The following FBXL17 variants were observed in gnomAD, a reference collection of about 807,000 sequenced individuals.
FBXL17 encodes F-box/LRR-repeat protein 17.
FBXL17 carries 22 observed loss-of-function variants against 66.2 expected under a neutral mutation model. The ratio of observed to expected loss-of-function variants is 0.33; its 90% CI spans 0.24 to 0.47. The LOEUF (loss-of-function observed/expected upper bound fraction) is 0.47, where lower values mean the gene tolerates loss of function less well. Among genes scored for constraint, FBXL17 ranks in the 20% least tolerant of loss-of-function variants. The probability of loss-of-function intolerance (pLI) is 1.00; values close to 1 mark genes in which losing one functional copy is unlikely to be tolerated. For missense variants in FBXL17, 878 were observed against 948.2 expected (o/e 0.93, Z 0.97); for synonymous variants, 474 against 400.5 (o/e 1.18, Z -2.19).
intron 6 of FBXL17, among the ~76,000 whole-genome samples, chr5:108,069,882 G>T (rs1433375270): frequency 6.6e-6 from 1 of 152,002 alleles, no homozygotes; most frequent in Admixed American, 6.6e-5. Flanking sequence ...CAGACTACTA[G>T]CTGTAATTAT....
intron 4 of FBXL17, among the ~76,000 whole-genome samples, chr5:108,315,446 A>G (rs1759316409): frequency 2.0e-5 from 3 of 151,526 alleles, no homozygotes; most frequent in African/African-American, 7.2e-5. Flanking sequence ...TTTATTAAAG[A>G]GTAAATAATT....
intron 7 of FBXL17, among the ~76,000 whole-genome samples, chr5:108,002,222 A>C (rs2112718209): frequency 8.2e-6 from 1 of 121,884 alleles, no homozygotes; most frequent in Non-Finnish European, 1.6e-5. Context: ...ACGGGGTTTC[A>C]CCTGTTGGTC....
chr5:108,322,020 T>C (rs1759643237), intron 4 of FBXL17, among the ~76,000 whole-genome samples: 2 of 151,784 alleles, frequency 1.3e-5, no homozygotes, highest in African/African-American at 4.8e-5. Context: ...ACTGTCAAAA[T>C]GGCAAAAAAT....
chr5:108,072,375 A>G (rs1249071150), intron 6 of FBXL17, among the ~76,000 whole-genome samples: 1 of 152,238 alleles, frequency 6.6e-6, no homozygotes, highest in East Asian at 1.9e-4. Context: ...ATAGCAAGTC[A>G]GTTAACAGTT....
At chr5:108,172,131 G>A (rs1323279248) in intron 6 of FBXL17, among the ~76,000 whole-genome samples, 1 of 152,158 alleles carries the variant, frequency 6.6e-6, no homozygotes, top group East Asian at 1.9e-4. Flanking sequence ...GTCTAAGATG[G>A]CCTTACTCAC....
chr5:108,061,925 G>T (rs955183450), intron 6 of FBXL17, among the ~76,000 whole-genome samples: 1 of 150,812 alleles, frequency 6.6e-6, no homozygotes, highest in Non-Finnish European at 1.5e-5. Flanking sequence ...AAAACACTTT[G>T]AGCTCCCCAG....
intron 7 of FBXL17, among the ~76,000 whole-genome samples, chr5:107,901,119 G>A (rs1016389460): frequency 6.6e-6 from 1 of 152,076 alleles, no homozygotes; most frequent in South Asian, 2.1e-4. Flanking sequence ...TATTTGTAAC[G>A]ATTCTTCAGT....
intron 3 of FBXL17, among the ~76,000 whole-genome samples, chr5:108,360,237 AG>A (rs1161876257): frequency 7.9e-5 from 12 of 152,074 alleles, no homozygotes; most frequent in Admixed American, 7.9e-4. Flanking sequence ...TTCAGCCTGG[AG>A]GACTCCCGTT....
intron 4 of FBXL17, among the ~76,000 whole-genome samples, chr5:108,275,132 G>C (rs1757432562): frequency 1.3e-5 from 2 of 152,080 alleles, no homozygotes; most frequent in Non-Finnish European, 2.9e-5. Flanking sequence ...TGACCTATAA[G>C]ATTACTTATA....
At chr5:108,380,673 T>TC in intron 1 of FBXL17, 26 bp downstream of exon 1, 1 of 1,236,484 alleles carries the variant, frequency 8.1e-7, no homozygotes, top group Non-Finnish European at 1.0e-6. Context: ...AAAGCGAGCA[T>TC]CCCTGCGCCT....
At chr5:108,276,914 A>C (rs1757504611) in intron 4 of FBXL17, among the ~76,000 whole-genome samples, 1 of 152,138 alleles carries the variant, frequency 6.6e-6, no homozygotes, top group Non-Finnish European at 1.5e-5. Context: ...TACCCTGGCT[A>C]ATTTTTTCTC....
At chr5:108,182,002 A>G (rs1370578465) in intron 6 of FBXL17, among the ~76,000 whole-genome samples, 1 of 152,194 alleles carries the variant, frequency 6.6e-6, no homozygotes, top group Admixed American at 6.5e-5. Context: ...AAGACGTTGA[A>G]GAGATTAAAT....
chr5:107,964,407 T>A (rs541993936), intron 7 of FBXL17, among the ~76,000 whole-genome samples: 3 of 134,420 alleles, frequency 2.2e-5, no homozygotes, highest in Non-Finnish European at 4.9e-5. Context: ...AAATTACTGA[T>A]TATCTGTTCC....
In FBXL17 at chr5:108,343,867, A is replaced by T. The variant is rs554299769; in HGVS notation, c.1506+4532T>A. Among the ~76,000 whole-genome samples the T allele has an allele frequency of 3.3e-5, 5 of 152,316 alleles. No homozygotes were observed. In the East Asian group the frequency reaches 9.7e-4, roughly 29 times the overall value. On this transcript the variant is annotated intron_variant, in intron 4 of 8. Transcript: ENST00000542267. ...TCAAATTAGTAAACTGCAGAAAGCA[A>T]ATAATAGGCTTCACTATCCTCTCCT...
At chr5:108,092,757 T>C (rs572612701) in intron 6 of FBXL17, among the ~76,000 whole-genome samples, 1 of 152,258 alleles carries the variant, frequency 6.6e-6, no homozygotes, top group South Asian at 2.1e-4. Flanking sequence ...ACCTGAGGGA[T>C]GAATGTTTCC....
At chr5:108,020,159 A>G (rs1332410889) in intron 7 of FBXL17, among the ~76,000 whole-genome samples, 1 of 151,984 alleles carries the variant, frequency 6.6e-6, no homozygotes, top group African/African-American at 2.4e-5. Flanking sequence ...TCAAATTTAA[A>G]TGAAAAAATC....
At chr5:108,108,185 C>A (rs1363211531) in intron 6 of FBXL17, among the ~76,000 whole-genome samples, 1 of 152,112 alleles carries the variant, frequency 6.6e-6, no homozygotes, top group Non-Finnish European at 1.5e-5. Flanking sequence ...AAACATATAC[C>A]CCACCTTCTA....
intron 7 of FBXL17, among the ~76,000 whole-genome samples, chr5:108,002,673 A>G (rs1753781476): frequency 6.6e-6 from 1 of 152,228 alleles, no homozygotes; most frequent in Non-Finnish European, 1.5e-5. Flanking sequence ...TGGTATAGCC[A>G]TAAAATGGAA....
chr5:108,008,714 G>A (rs1454573751), intron 7 of FBXL17, among the ~76,000 whole-genome samples: 1 of 152,038 alleles, frequency 6.6e-6, no homozygotes, highest in Non-Finnish European at 1.5e-5. Flanking sequence ...GCGCAGCTTG[G>A]TTGTGAGTTG....
Sources: gnomAD v4.1 joint callset for allele counts (sites outside exome capture counted in the v4.1 genomes callset) on GRCh38, gnomAD v4.1.1 for gene constraint, MANE v1.5 for transcripts, NCBI Gene and HGNC (gene_info 2026-07-23, HGNC 2026-07-21) for gene names.